Variants in KREMEN1 observed in about 807,000 individuals in gnomAD.
The protein encoded by KREMEN1 is kringle containing transmembrane protein 1, also known as kremen protein 1.
Under a neutral mutation model 46.5 loss-of-function variants are expected in KREMEN1, and 30 were observed. That is an observed-to-expected ratio of 0.65 (90% CI 0.48 to 0.88). KREMEN1 has a LOEUF of 0.88. KREMEN1 is among the 40% of genes least tolerant of loss of function. KREMEN1 has a pLI of 0.00. For synonymous variants in KREMEN1, 214 were observed against 230.6 expected, an observed-to-expected ratio of 0.93 and a Z score of 0.65; for missense variants, 533 against 596.9, an observed-to-expected ratio of 0.89 and a Z score of 1.11.
chr22:29,078,602 C>T lies in KREMEN1; in HGVS notation c.97+5375C>T, dbSNP rs373710691. 6.2e-4 allele frequency among the ~76,000 whole-genome samples: 94 copies of T among 152,160 alleles called. 1 individual carries two copies. The South Asian group carries it at 0.017, about 27-fold the overall frequency. On this transcript the variant is annotated intron_variant, in intron 1 of 8. Transcript: ENST00000400335. ...AGTCGTTTTAAAAAATAACAATGTG[C>T]TTAGCATAGCTGATTATTTTGTTTT...
intron 2 of KREMEN1, 151 bp downstream of exon 2, chr22:29,094,571 T>TCA: frequency 8.8e-6 from 3 of 340,284 alleles, no homozygotes; most frequent in South Asian, 2.9e-5. Context: ...CTTTCACACC[T>TCA]TACACACACA....
Position 29,141,937 on chromosome 22 carries a change from T to C in KREMEN1, c.1209-7T>C. The C allele has an allele frequency of 2.5e-6, 4 of 1,582,190 alleles. No homozygotes were observed. The highest frequency in any genetic ancestry group is 3.4e-6 in the Non-Finnish European group (4 of 1,167,302). On this transcript the variant is annotated splice_polypyrimidine_tract_variant and splice_region_variant and intron_variant, in intron 8 of 8. Transcript: ENST00000400335. ...TCTATTGGAAAAAATATTTATCTGCTTGACAGATCCCATCGTGTTCCTGCT... is the reference window on the plus strand; with the variant it reads ...TCTATTGGAAAAAATATTTATCTGCCTGACAGATCCCATCGTGTTCCTGCT...
chr22:29,124,080 C>A (rs2145819258), intron 4 of KREMEN1, among the ~76,000 whole-genome samples: 1 of 151,952 alleles, frequency 6.6e-6, no homozygotes, highest in African/African-American at 2.4e-5. Context: ...TAGTTATTAC[C>A]CTAGAGACAT....
At chr22:29,097,891 A>T (rs899247078) in intron 2 of KREMEN1, among the ~76,000 whole-genome samples, 1 of 152,098 alleles carries the variant, frequency 6.6e-6, no homozygotes, top group Non-Finnish European at 1.5e-5. Context: ...TAAAAAAAAA[A>T]TCTAATAAGG....
At chr22:29,092,930 G>T (rs1293451242) in intron 1 of KREMEN1, among the ~76,000 whole-genome samples, 1 of 152,152 alleles carries the variant, frequency 6.6e-6, no homozygotes, top group Non-Finnish European at 1.5e-5. Context: ...AGCCAAGATT[G>T]CAACACTGCA....
At position 29,142,594 on chromosome 22, in the gene KREMEN1, T is replaced by C. The variant is rs571317184; in HGVS notation, c.*482T>C. On this transcript the variant is annotated 3_prime_UTR_variant, in exon 9 of 9. Transcript: ENST00000400335. ...CCAGACAGGGAGAACTCTCAGGTACTCTTGGGAGTTGGTCCCATACAAGTG... is the reference window on the plus strand; with the variant it reads ...CCAGACAGGGAGAACTCTCAGGTACCCTTGGGAGTTGGTCCCATACAAGTG... The C allele has an allele frequency of 6.4e-5, 63 of 985,698 alleles. No homozygotes were observed. The South Asian group carries it at 2.3e-3, about 37-fold the overall frequency. The allele number at this position is 985,698 out of a possible 1,614,324, so 61.1% of individuals were successfully genotyped here.
chr22:29,127,984 G>A lies in KREMEN1; in HGVS notation c.631+2568G>A, dbSNP rs551029492. On this transcript the variant is annotated intron_variant, in intron 5 of 8. Transcript: ENST00000400335. ...TCTAAATGAAAGAACCAGATGCAAA[G>A]GGCTACATATTTTATGATCTCATTT... 7.2e-5 allele frequency among the ~76,000 whole-genome samples: 11 copies of A among 152,254 alleles called. No individual in the cohort carries two copies. In the South Asian group the frequency reaches 2.3e-3, roughly 32 times the overall value.
In KREMEN1 at chr22:29,140,282, G is replaced by A. The variant is rs1310891539; in HGVS notation, c.1124G>A (p.Gly375Glu). Reference protein sequence around the residue: ...SPSHPPQTVPGWTVYGLATLL... With the variant: ...SPSHPPQTVPEWTVYGLATLL... ...TAAGCTCTGTCTTTTGCACTTGCAG[G>A]ATGGACAGTCTATGGTCTGGCAACT... Residue 375 changes from glycine to glutamate, a missense_variant and splice_region_variant, in exon 8 of 9, where the codon GGA becomes GAA. Transcript: ENST00000400335. 2 of 1,613,510 alleles carry A rather than the reference G, an allele frequency of 1.2e-6. No individual in the cohort carries two copies. The highest frequency in any genetic ancestry group is 2.2e-5 in the South Asian group (2 of 91,072).
chr22:29,093,339 A>G (rs1397992749), intron 1 of KREMEN1, among the ~76,000 whole-genome samples: 3 of 152,198 alleles, frequency 2.0e-5, no homozygotes, highest in African/African-American at 7.2e-5. Context: ...CTAATGATAT[A>G]TCTTAAAGAA....
Position 29,121,411 on chromosome 22 carries a change from G to A in KREMEN1, c.407G>A (p.Gly136Asp), listed in dbSNP as rs1227203513. The change falls in exon 4 of 9, where the codon GGC becomes GAC. Residue 136 changes from glycine (G) to aspartate (D), a missense_variant. Physicochemically the swap from Gly to Asp is moderately conservative, Grantham distance 94. Transcript: ENST00000400335. ...KDHGNPPPLT[G>D]TSKTSNKLTI... ...CATGGAAACCCACCTCCTCTAACTG[G>A]CACCAGTAAAACGTCCAACAAACTC... 1 of 1,613,964 alleles carries A rather than the reference G, an allele frequency of 6.2e-7. No individual in the cohort carries two copies. The highest frequency in any genetic ancestry group is 1.3e-5 in the African/African-American group (1 of 74,990).
At chr22:29,107,009 C>G (rs2038070691) in intron 3 of KREMEN1, among the ~76,000 whole-genome samples, 1 of 152,166 alleles carries the variant, frequency 6.6e-6, no homozygotes, top group African/African-American at 2.4e-5. Context: ...AACAGAGCCA[C>G]TCTGCAGTAT....
rs1375337229 is a variant in KREMEN1 at position 29,146,503 on chromosome 22, C to T, written c.*4391C>T. On this transcript the variant is annotated 3_prime_UTR_variant, in exon 9 of 9. Transcript: ENST00000400335. ...CAAAGACTGGAGGCCCTTCCCCGCC[C>T]GCACGGGAGCTGCCATCGTGGGTCT... 17 of 985,576 alleles carry T rather than the reference C, an allele frequency of 1.7e-5. No homozygotes were observed. Among genetic ancestry groups the T allele is most frequent in the South Asian group, 4.7e-5 (1 of 21,286 alleles). 61.1% of individuals were successfully genotyped at this position (985,576 alleles called of 1,614,324 possible). A position where few individuals can be genotyped will look rare whatever the true frequency, so the allele number is the denominator to read the frequency against.
At chr22:29,075,574 G>T (rs1448937109) in intron 1 of KREMEN1, among the ~76,000 whole-genome samples, 1 of 152,084 alleles carries the variant, frequency 6.6e-6, no homozygotes, top group Non-Finnish European at 1.5e-5. Context: ...TGATAACTCA[G>T]TGCTTTGCTT....
At chr22:29,155,547 G>C (rs894716562) in intron 9 of KREMEN1, among the ~76,000 whole-genome samples, 1 of 151,470 alleles carries the variant, frequency 6.6e-6, no homozygotes, top group African/African-American at 2.4e-5. Context: ...AAAAGGAAAA[G>C]AGAAGGTGAG....
chr22:29,124,758 GC>G (rs1487085594), intron 4 of KREMEN1, among the ~76,000 whole-genome samples: 1 of 152,166 alleles, frequency 6.6e-6, no homozygotes, highest in Non-Finnish European at 1.5e-5. Context: ...CTCCCAAAGT[GC>G]TGGGATTACA....
intron 9 of KREMEN1, among the ~76,000 whole-genome samples, chr22:29,165,592 A>G (rs995432173): frequency 1.3e-5 from 2 of 152,200 alleles, no homozygotes; most frequent in Non-Finnish European, 2.9e-5. Context: ...CTGTTCAATA[A>G]TCACAACAGG....
intron 3 of KREMEN1, among the ~76,000 whole-genome samples, chr22:29,110,294 C>T (rs1206442765): frequency 1.3e-5 from 2 of 152,206 alleles, no homozygotes; most frequent in African/African-American, 4.8e-5. Flanking sequence ...CGGTGGCTGG[C>T]TTCCAAGAGA....
intron 5 of KREMEN1, among the ~76,000 whole-genome samples, chr22:29,135,061 T>C (rs1187262516): frequency 6.6e-6 from 1 of 152,190 alleles, no homozygotes; most frequent in Non-Finnish European, 1.5e-5. Flanking sequence ...CACACCCTTC[T>C]TCTCTCCCTG....
chr22:29,117,347 C>T (rs1351272277), intron 3 of KREMEN1, among the ~76,000 whole-genome samples: 4 of 152,132 alleles, frequency 2.6e-5, no homozygotes, highest in South Asian at 2.1e-4. Flanking sequence ...GTGGGCGGAT[C>T]GCAAGGTCAG....
Sources: allele counts gnomAD v4.1 joint callset (sites outside exome capture counted in the v4.1 genomes callset), GRCh38; gene constraint gnomAD v4.1.1; transcripts MANE v1.5; gene names NCBI Gene and HGNC (gene_info 2026-07-23, HGNC 2026-07-21).